The following NKAIN3 variants were observed in gnomAD, a reference collection of about 807,000 sequenced individuals.
NKAIN3 encodes the protein sodium/potassium-transporting ATPase subunit beta-1-interacting protein 3.
Under a neutral mutation model 30.2 loss-of-function variants are expected in NKAIN3, and 25 were observed. The observed-to-expected ratio is 0.83, with a 90% CI of 0.60 to 1.16. The LOEUF (loss-of-function observed/expected upper bound fraction) is 1.16, where lower values mean the gene tolerates loss of function less well. Ranked by LOEUF, NKAIN3 falls within the 50% of genes most tolerant of loss-of-function variation. The probability of loss-of-function intolerance (pLI) is 0.00; values close to 1 mark genes in which losing one functional copy is unlikely to be tolerated. For missense variants in NKAIN3, 225 were observed against 254.1 expected (o/e 0.89, Z 0.78); for synonymous variants, 91 against 89.6 (o/e 1.02, Z -0.09).
intron 4 of NKAIN3, among the ~76,000 whole-genome samples, chr8:62,877,483 G>A (rs549910205): frequency 8.3e-4 from 127 of 152,300 alleles, no homozygotes; most frequent in African/African-American, 2.6e-3. Flanking sequence ...AGCTGATGTG[G>A]GGAGGGCAGC....
intron 1 of NKAIN3, among the ~76,000 whole-genome samples, chr8:62,403,644 G>A (rs1427608830): frequency 6.6e-6 from 1 of 152,198 alleles, no homozygotes; most frequent in East Asian, 1.9e-4. Flanking sequence ...TTGAGGTTTG[G>A]GAACCTCTGC....
intron 1 of NKAIN3, among the ~76,000 whole-genome samples, chr8:62,448,585 T>A (rs561495876): frequency 6.6e-6 from 1 of 151,938 alleles, no homozygotes; most frequent in African/African-American, 2.4e-5. Context: ...ATACATGCAG[T>A]CTCACAGTTT....
intron 1 of NKAIN3, among the ~76,000 whole-genome samples, chr8:62,397,424 C>T (rs1817799806): frequency 6.6e-6 from 1 of 151,834 alleles, no homozygotes; most frequent in African/African-American, 2.4e-5. Flanking sequence ...ACTCTACAGA[C>T]AATAACTCAC....
intron 4 of NKAIN3, among the ~76,000 whole-genome samples, chr8:62,828,913 T>C (rs562235441): frequency 1.3e-5 from 2 of 152,238 alleles, no homozygotes; most frequent in South Asian, 4.1e-4. Flanking sequence ...TGGAAGTAAC[T>C]ATCTAGCTCC....
intron 5 of NKAIN3, among the ~76,000 whole-genome samples, chr8:62,936,210 G>C (rs1330844544): frequency 2.0e-5 from 3 of 152,150 alleles, no homozygotes; most frequent in Non-Finnish European, 4.4e-5. Flanking sequence ...TGCAAGCACA[G>C]GGACTGATTC....
intron 5 of NKAIN3, among the ~76,000 whole-genome samples, chr8:62,927,305 G>A (rs1385622134): frequency 6.6e-6 from 1 of 152,180 alleles, no homozygotes; most frequent in Non-Finnish European, 1.5e-5. Flanking sequence ...AGCTTTGGCT[G>A]CTGTTGACTT....
chr8:62,841,774 G>A (rs1819536538), intron 4 of NKAIN3, among the ~76,000 whole-genome samples: 1 of 152,042 alleles, frequency 6.6e-6, no homozygotes, highest in Non-Finnish European at 1.5e-5. Flanking sequence ...AATGAACCTG[G>A]GAGTGCAGAT....
At chr8:62,900,707 A>C (rs889833969) in intron 4 of NKAIN3, among the ~76,000 whole-genome samples, 35 of 151,552 alleles carry the variant, frequency 2.3e-4, no homozygotes, top group African/African-American at 7.2e-4. Context: ...TCTTCACAAT[A>C]ATTGGTGAAG....
chr8:62,408,511 C>T (rs1804145191), intron 1 of NKAIN3, among the ~76,000 whole-genome samples: 1 of 152,068 alleles, frequency 6.6e-6, no homozygotes, highest in South Asian at 2.1e-4. Context: ...AAACATGTTT[C>T]TTATAGAGCA....
intron 1 of NKAIN3, among the ~76,000 whole-genome samples, chr8:62,504,297 A>G (rs7822552): frequency 0.63 from 96,382 of 152,098 alleles, 31,905 homozygotes; most frequent in South Asian, 0.79. Context: ...ACTGCTATAA[A>G]ACCTACTTTG....
At chr8:62,874,567 A>G (rs772230590) in intron 4 of NKAIN3, among the ~76,000 whole-genome samples, 22 of 152,204 alleles carry the variant, frequency 1.4e-4, no homozygotes, top group Admixed American at 5.2e-4. Flanking sequence ...AAAATCCTCA[A>G]TGAAATACTG....
At chr8:62,380,983 A>T (rs956056827) in intron 1 of NKAIN3, among the ~76,000 whole-genome samples, 1 of 152,162 alleles carries the variant, frequency 6.6e-6, no homozygotes, top group South Asian at 2.1e-4. Context: ...TTTACTTCTT[A>T]TGGGTTCTAT....
intron 4 of NKAIN3, among the ~76,000 whole-genome samples, chr8:62,775,861 G>T (rs915529223): frequency 6.6e-6 from 1 of 151,974 alleles, no homozygotes; most frequent in Non-Finnish European, 1.5e-5. Flanking sequence ...TTTCTATCTG[G>T]ATAATCTGTC....
chr8:62,932,690 G>A (rs1209817060), intron 5 of NKAIN3, among the ~76,000 whole-genome samples: 1 of 152,118 alleles, frequency 6.6e-6, no homozygotes, highest in Non-Finnish European at 1.5e-5. Context: ...TTTTACACTA[G>A]TGATTTTCAA....
chr8:62,927,731 T>G (rs1267786093), intron 5 of NKAIN3, among the ~76,000 whole-genome samples: 1 of 152,172 alleles, frequency 6.6e-6, no homozygotes, highest in East Asian at 1.9e-4. Flanking sequence ...AGTGATGAGC[T>G]GTCATTATGT....
At chr8:62,367,288 G>A (rs572901049) in intron 1 of NKAIN3, among the ~76,000 whole-genome samples, 3 of 152,184 alleles carry the variant, frequency 2.0e-5, no homozygotes, top group African/African-American at 7.2e-5. Flanking sequence ...ATAGGGTGAT[G>A]TCCCTGATGA....
intron 1 of NKAIN3, among the ~76,000 whole-genome samples, chr8:62,442,059 T>C (rs1431766922): frequency 6.6e-6 from 1 of 152,060 alleles, no homozygotes; most frequent in Non-Finnish European, 1.5e-5. Flanking sequence ...ATATTCTCTA[T>C]TGAACATGAT....
At chr8:62,561,783 T>C (rs1008420779) in intron 1 of NKAIN3, among the ~76,000 whole-genome samples, 1 of 152,108 alleles carries the variant, frequency 6.6e-6, no homozygotes, top group African/African-American at 2.4e-5. Context: ...GAAATGGAAA[T>C]AGATTTGTAA....
At chr8:62,988,631 T>G (rs1488095642), downstream of NKAIN3, among the ~76,000 whole-genome samples, 1 of 152,208 alleles carries the variant, frequency 6.6e-6, no homozygotes, top group Non-Finnish European at 1.5e-5. Context: ...GTCCCTTGGA[T>G]GTACACAGCA....
Sources: allele counts gnomAD v4.1 joint callset (sites outside exome capture counted in the v4.1 genomes callset), GRCh38; gene constraint gnomAD v4.1.1; transcripts MANE v1.5; gene names NCBI Gene and HGNC (gene_info 2026-07-23, HGNC 2026-07-21).